Variants in CALN1 observed in about 807,000 individuals in gnomAD.
CALN1 encodes calneuron 1, also known as calcium-binding protein 8.
Under a neutral mutation model 30.6 loss-of-function variants are expected in CALN1, and 17 were observed. The observed-to-expected ratio is 0.56, with a 90% CI of 0.38 to 0.83. The LOEUF is 0.83. Among genes scored for constraint, CALN1 ranks in the 40% least tolerant of loss-of-function variants. CALN1 has a pLI of 0.00. For synonymous variants in CALN1, 156 were observed against 131.4 expected (o/e 1.19, Z -1.28); for missense variants, 291 against 354.9 (o/e 0.82, Z 1.45).
chr7:71,947,148 T>C (rs928106139), intron 5 of CALN1, among the ~76,000 whole-genome samples: 1 of 152,026 alleles, frequency 6.6e-6, no homozygotes, highest in African/African-American at 2.4e-5. Context: ...GTAGCTAGGA[T>C]TACAGGCACC....
At chr7:72,016,611 A>AT (rs1178258798) in intron 5 of CALN1, among the ~76,000 whole-genome samples, 1 of 151,574 alleles carries the variant, frequency 6.6e-6, no homozygotes, top group Non-Finnish European at 1.5e-5. Flanking sequence ...TAATTTTTGA[A>AT]TTTTTTGTAA....
intron 1 of CALN1, among the ~76,000 whole-genome samples, chr7:72,431,642 C>A (rs1413475624): frequency 6.6e-6 from 1 of 152,110 alleles, no homozygotes; most frequent in Non-Finnish European, 1.5e-5. Context: ...AGTTCGAGAC[C>A]AGCCTGGGTA....
At chr7:72,487,734 A>AAGGAAGGAAGGAAGG in the CALN1 span, among the ~76,000 whole-genome samples, 2 of 56,620 alleles carry the variant, frequency 3.5e-5, no homozygotes, top group East Asian at 6.9e-4. Context: ...AGAAAGAAAG[A>AAGGAAGGAAGGAAGG]AAGGAAGGAA....
At chr7:72,333,447 C>A (rs1801806934) in intron 2 of CALN1, among the ~76,000 whole-genome samples, 1 of 152,204 alleles carries the variant, frequency 6.6e-6, no homozygotes, top group Non-Finnish European at 1.5e-5. Context: ...TCCTTCCGAA[C>A]CACATTTGGA....
intron 5 of CALN1, among the ~76,000 whole-genome samples, chr7:71,905,889 C>T (rs768312063): frequency 1.3e-5 from 2 of 152,016 alleles, no homozygotes; most frequent in African/African-American, 4.8e-5. Flanking sequence ...GCTGAGGAGG[C>T]CTCAGGAAAC....
chr7:72,271,704 T>C (rs992150315), intron 3 of CALN1, among the ~76,000 whole-genome samples: 4 of 150,474 alleles, frequency 2.7e-5, no homozygotes, highest in Admixed American at 6.6e-5. Flanking sequence ...AAGGCAGTGA[T>C]GGACTGCAAA....
In CALN1 at chr7:72,337,150, G is replaced by A. The variant is rs1050338606; in HGVS notation, c.120-58340C>T. 9.1e-6 allele frequency: 9 copies of A among 985,192 alleles called. No individual in the cohort carries two copies. In the African/African-American group the frequency reaches 1.2e-4, roughly 13 times the overall value. The allele number at this position is 985,192 out of a possible 1,614,324, so 61.0% of individuals were successfully genotyped here. A position where few individuals can be genotyped will look rare whatever the true frequency, so the allele number is the denominator to read the frequency against. On this transcript the variant is annotated intron_variant, in intron 2 of 6. Transcript: ENST00000395275. ...GGCCGAGGCCCCGCTGGAGTTGCGC[G>A]CCCTAGAAACTCCATGCAGCTCCGG...
intron 5 of CALN1, among the ~76,000 whole-genome samples, chr7:71,923,225 TG>T (rs1342415078): frequency 3.9e-5 from 6 of 152,198 alleles, no homozygotes; most frequent in African/African-American, 1.2e-4. Context: ...TATGCTCATT[TG>T]TTCTTTCTGA....
intron 3 of CALN1, among the ~76,000 whole-genome samples, chr7:72,239,299 G>A (rs1237807869): frequency 6.6e-6 from 1 of 152,108 alleles, no homozygotes; most frequent in Non-Finnish European, 1.5e-5. Context: ...GCAGGAGGCT[G>A]AAGCAGGAGG....
chr7:72,502,406 T>A, the CALN1 span, among the ~76,000 whole-genome samples: 1 of 148,888 alleles, frequency 6.7e-6, no homozygotes, highest in African/African-American at 2.4e-5. Context: ...ATTACATATA[T>A]ATACAATATA....
intron 5 of CALN1, among the ~76,000 whole-genome samples, chr7:71,985,584 C>CTTTTTTTT (rs962922789): frequency 5.2e-5 from 5 of 96,440 alleles, no homozygotes; most frequent in East Asian, 3.8e-4. Context: ...AGGTAGTTTT[C>CTTTTTTTT]TTTTTTTTTT....
chr7:72,423,630 A>G (rs752733950), intron 1 of CALN1, among the ~76,000 whole-genome samples: 26 of 152,160 alleles, frequency 1.7e-4, no homozygotes, highest in Admixed American at 1.4e-3. Context: ...GGGCGAATTC[A>G]AAGAAGATAA....
intron 5 of CALN1, among the ~76,000 whole-genome samples, chr7:71,919,582 C>A (rs117714918): frequency 6.6e-6 from 1 of 152,126 alleles, no homozygotes. Flanking sequence ...TATAACAGAA[C>A]AATGTACAAG....
intron 1 of CALN1, among the ~76,000 whole-genome samples, chr7:72,438,420 C>A (rs967332648): frequency 1.3e-5 from 2 of 152,184 alleles, no homozygotes; most frequent in Non-Finnish European, 2.9e-5. Flanking sequence ...CGGCACCCAG[C>A]CTTGCCTGTA....
At chr7:71,887,524 C>T (rs1298598785) in intron 5 of CALN1, among the ~76,000 whole-genome samples, 1 of 152,112 alleles carries the variant, frequency 6.6e-6, no homozygotes, top group Non-Finnish European at 1.5e-5. Context: ...TCTTGAACCC[C>T]CCCACTTCAG....
At chr7:71,847,569 C>A (rs146275179) in intron 5 of CALN1, among the ~76,000 whole-genome samples, 1 of 151,520 alleles carries the variant, frequency 6.6e-6, no homozygotes, top group African/African-American at 2.4e-5. Flanking sequence ...GTAATCCCAG[C>A]TACTCAGGAG....
At chr7:72,420,329 A>T (rs1807564704) in intron 1 of CALN1, among the ~76,000 whole-genome samples, 1 of 152,006 alleles carries the variant, frequency 6.6e-6, no homozygotes, top group Non-Finnish European at 1.5e-5. Flanking sequence ...TAACTACATG[A>T]CCTGGCTCTA....
intron 2 of CALN1, among the ~76,000 whole-genome samples, chr7:72,333,273 CTA>C (rs749939159): frequency 6.6e-6 from 1 of 152,230 alleles, no homozygotes; most frequent in Non-Finnish European, 1.5e-5. Flanking sequence ...GGCCTCCCCA[CTA>C]ATCTGTGAAT....
chr7:72,021,633 T>C (rs1321624762), intron 5 of CALN1, among the ~76,000 whole-genome samples: 1 of 152,132 alleles, frequency 6.6e-6, no homozygotes, highest in Non-Finnish European at 1.5e-5. Context: ...AGTGGGGGAT[T>C]CACGAGCCCC....
Sources: allele counts gnomAD v4.1 joint callset (sites outside exome capture counted in the v4.1 genomes callset), GRCh38; gene constraint gnomAD v4.1.1; transcripts MANE v1.5; gene names NCBI Gene and HGNC (gene_info 2026-07-23, HGNC 2026-07-21).